COL10A1: variants seen among roughly 807,000 people sequenced by gnomAD.
COL10A1 encodes the protein collagen alpha-1(X) chain.
Under a neutral mutation model 18.2 loss-of-function variants are expected in COL10A1, and 10 were observed. The ratio of observed to expected loss-of-function variants is 0.55; its 90% CI spans 0.34 to 0.93. The LOEUF (loss-of-function observed/expected upper bound fraction) is 0.93, where lower values mean the gene tolerates loss of function less well. COL10A1 is among the 40% of genes least tolerant of loss of function. COL10A1 has a pLI of 0.02. For synonymous variants in COL10A1, 330 were observed against 316.6 expected (o/e 1.04, Z -0.45); for missense variants, 897 against 853.5 (o/e 1.05, Z -0.64).
At chr6:116,187,836 A>G in the COL10A1 span, among the ~76,000 whole-genome samples, 3 of 152,072 alleles carry the variant, frequency 2.0e-5, no homozygotes, top group Non-Finnish European at 4.4e-5. Flanking sequence ...AACAGTATTG[A>G]TTGATTGTAA....
chr6:116,208,595 TC>T, the COL10A1 span, among the ~76,000 whole-genome samples: 75 of 152,152 alleles, frequency 4.9e-4, 1 homozygote, highest in East Asian at 0.014. Flanking sequence ...TTCTTTCTGA[TC>T]ATGTCATCAT....
intron 1 of COL10A1, among the ~76,000 whole-genome samples, chr6:116,155,409 A>T (rs568739015): frequency 4.6e-5 from 7 of 152,224 alleles, no homozygotes; most frequent in African/African-American, 1.7e-4. Context: ...CTCTTTTGGA[A>T]TTCAGTGGCC....
the COL10A1 span, among the ~76,000 whole-genome samples, chr6:116,200,416 T>C: frequency 6.6e-6 from 1 of 152,040 alleles, no homozygotes; most frequent in Non-Finnish European, 1.5e-5. Flanking sequence ...TAATAATGTA[T>C]TGGTATTGCT....
At chr6:116,207,683 T>C in the COL10A1 span, among the ~76,000 whole-genome samples, 4 of 151,856 alleles carry the variant, frequency 2.6e-5, no homozygotes, top group Non-Finnish European at 4.4e-5. Flanking sequence ...GGAATTTAGA[T>C]GGTTAAAAGC....
At chr6:116,177,736 AATAAT>A in the COL10A1 span, among the ~76,000 whole-genome samples, 1 of 151,996 alleles carries the variant, frequency 6.6e-6, no homozygotes, top group East Asian at 1.9e-4. Flanking sequence ...TAAGTAATTA[AATAAT>A]AATATTCTAA....
At chr6:116,198,181 T>G in the COL10A1 span, among the ~76,000 whole-genome samples, 2 of 152,148 alleles carry the variant, frequency 1.3e-5, no homozygotes, top group African/African-American at 4.8e-5. Flanking sequence ...CAAATTGAGG[T>G]CACTGAGTAG....
At chr6:116,134,981 A>G (rs565183185) in intron 1 of COL10A1, among the ~76,000 whole-genome samples, 2 of 152,198 alleles carry the variant, frequency 1.3e-5, no homozygotes, top group Non-Finnish European at 2.9e-5. Flanking sequence ...ATGAAGTTTC[A>G]GAGCAACAAA....
At chr6:116,170,563 A>G in the COL10A1 span, among the ~76,000 whole-genome samples, 1 of 152,158 alleles carries the variant, frequency 6.6e-6, no homozygotes, top group Non-Finnish European at 1.5e-5. Flanking sequence ...TAATCAGTGC[A>G]CCTTAGCTGT....
At position 116,121,883 on chromosome 6, in the gene COL10A1, C is replaced by T; in HGVS notation, c.233G>A (p.Gly78Glu). The change falls in exon 3 of 3, where the codon GGA (glycine) becomes GAA (glutamate). Residue 78 changes from glycine (G) to glutamate (E), a missense_variant. Gly to Glu is a moderately conservative substitution (Grantham distance 98, BLOSUM62 -2). Coordinates refer to ENST00000651968, the MANE Select transcript of COL10A1 (RefSeq NM_000493.4). ...TCCGTAGCCTGGTTTTCCTGGTGGT[C>T]CAGAAGGACCTGGGTGCCCTCGAGG... is the stretch of plus-strand genomic sequence containing the variant. ...AGPRGHPGPS[G>E]PPGKPGYGSP... The T allele has an allele frequency of 2.5e-6, 4 of 1,613,946 alleles. No homozygotes were observed. The highest frequency in any genetic ancestry group is 3.4e-6 in the Non-Finnish European group (4 of 1,179,988).
the COL10A1 span, among the ~76,000 whole-genome samples, chr6:116,180,958 AATT>A: frequency 6.6e-6 from 1 of 152,050 alleles, no homozygotes; most frequent in Non-Finnish European, 1.5e-5. Context: ...GATAGTAAAG[AATT>A]ATTGTTATAT....
intron 1 of COL10A1, among the ~76,000 whole-genome samples, chr6:116,147,563 A>G (rs958940458): frequency 5.3e-5 from 8 of 152,248 alleles, no homozygotes; most frequent in Non-Finnish European, 1.0e-4. Context: ...AAAAGTATTT[A>G]AAGCAAAACA....
chr6:116,197,466 T>A, the COL10A1 span, among the ~76,000 whole-genome samples: 2 of 152,002 alleles, frequency 1.3e-5, no homozygotes, highest in Admixed American at 6.6e-5. Context: ...GAATCAACAT[T>A]CTTGACCTTC....
the COL10A1 span, among the ~76,000 whole-genome samples, chr6:116,206,668 C>G: frequency 6.6e-6 from 1 of 151,982 alleles, no homozygotes; most frequent in Non-Finnish European, 1.5e-5. Flanking sequence ...ATCCCTCCTA[C>G]CCTGCTCCAT....
intron 1 of COL10A1, among the ~76,000 whole-genome samples, chr6:116,154,183 T>C (rs1284287977): frequency 6.6e-6 from 1 of 152,158 alleles, no homozygotes; most frequent in Non-Finnish European, 1.5e-5. Context: ...ATTTTACTTT[T>C]GGCTATTTAA....
At chr6:116,122,065 A>G in intron 2 of COL10A1, 104 bp from the exon 3 acceptor site, 2 of 992,580 alleles carry the variant, frequency 2.0e-6, no homozygotes, top group Admixed American at 1.7e-5. Flanking sequence ...ATATTTCAGC[A>G]TCATTTATTC....
At chr6:116,128,074 T>C (rs750495914), upstream of COL10A1, among the ~76,000 whole-genome samples, 2 of 152,122 alleles carry the variant, frequency 1.3e-5, no homozygotes, top group Admixed American at 1.3e-4. Flanking sequence ...TTAGTACTTA[T>C]TAGAGACACA....
At chr6:116,143,250 C>T (rs148881866) in intron 1 of COL10A1, among the ~76,000 whole-genome samples, 2,073 of 152,124 alleles carry the variant, frequency 0.014, 59 homozygotes, top group African/African-American at 0.048. Flanking sequence ...CTTGCTCTGT[C>T]GCCAGACTGG....
chr6:116,167,252 C>G, the COL10A1 span, among the ~76,000 whole-genome samples: 1 of 108,108 alleles, frequency 9.3e-6, no homozygotes, highest in Non-Finnish European at 1.7e-5. Context: ...CTTGTTCTGT[C>G]GCCAGGCTGG....
At chr6:116,215,939 C>A in the COL10A1 span, among the ~76,000 whole-genome samples, 29 of 152,130 alleles carry the variant, frequency 1.9e-4, no homozygotes, top group Non-Finnish European at 4.1e-4. Flanking sequence ...ATAAAGGAGT[C>A]TGTTTGGCTT....
Sources: gnomAD v4.1 joint callset for allele counts (sites outside exome capture counted in the v4.1 genomes callset) on GRCh38, gnomAD v4.1.1 for gene constraint, MANE v1.5 for transcripts, NCBI Gene and HGNC (gene_info 2026-07-23, HGNC 2026-07-21) for gene names.